The following NEDD4 variants were observed in gnomAD, a reference collection of about 807,000 sequenced individuals.
The protein encoded by NEDD4 is E3 ubiquitin-protein ligase NEDD4.
A neutral mutation model predicts 144.9 loss-of-function variants in NEDD4; 99 were observed. The ratio of observed to expected loss-of-function variants is 0.68; its 90% CI spans 0.58 to 0.81. The LOEUF (loss-of-function observed/expected upper bound fraction) is 0.81, where lower values mean the gene tolerates loss of function less well. NEDD4 is among the 30% of genes least tolerant of loss of function. The pLI, the probability that NEDD4 is intolerant of heterozygous loss-of-function variation, is 0.00. For synonymous variants in NEDD4, 318 were observed against 350.6 expected (o/e 0.91, Z 1.04); for missense variants, 985 against 1,065.9 (o/e 0.92, Z 1.06).
At chr15:55,937,952 A>G (rs1282737811) in intron 4 of NEDD4, among the ~76,000 whole-genome samples, 1 of 152,226 alleles carries the variant, frequency 6.6e-6, no homozygotes, top group East Asian at 1.9e-4. Context: ...TGACACAGGA[A>G]TTAAGACAGA....
rs184182823 is a variant in NEDD4 at position 55,927,322 on chromosome 15, T to C, written c.238-2623A>G. 1.4e-4 allele frequency among the ~76,000 whole-genome samples: 22 copies of C among 152,134 alleles called. 1 individual carries two copies. Among genetic ancestry groups the C allele is most frequent in the Admixed American group, 1.0e-3 (16 of 15,282 alleles). On this transcript the variant is annotated intron_variant, in intron 4 of 28. Coordinates refer to ENST00000435532, the MANE Select transcript of NEDD4 (RefSeq NM_006154.4). The stretch of plus-strand genomic sequence containing the variant: ...ACAGACAAAGACGACAAGATTCTTT[T>C]TTTTTTGAGATAGAGTCTCACTCTG...
intron 1 of NEDD4, among the ~76,000 whole-genome samples, chr15:55,966,775 G>A (rs1191056327): frequency 6.6e-6 from 1 of 152,300 alleles, no homozygotes; most frequent in African/African-American, 2.4e-5. Flanking sequence ...TTATTACACT[G>A]AATAAGAATT....
intron 5 of NEDD4, among the ~76,000 whole-genome samples, chr15:55,882,279 G>C (rs1201357704): frequency 6.6e-6 from 1 of 152,180 alleles, no homozygotes; most frequent in Non-Finnish European, 1.5e-5. Flanking sequence ...AAGAGGGTAG[G>C]AAAGACAGTC....
intron 5 of NEDD4, among the ~76,000 whole-genome samples, chr15:55,878,124 A>G (rs2035057156): frequency 6.6e-6 from 1 of 152,176 alleles, no homozygotes; most frequent in East Asian, 1.9e-4. Flanking sequence ...ATGAACTTTG[A>G]ATTCAAATAT....
chr15:55,871,564 A>G (rs1317165068), intron 7 of NEDD4, among the ~76,000 whole-genome samples: 2 of 152,236 alleles, frequency 1.3e-5, no homozygotes, highest in Non-Finnish European at 2.9e-5. Flanking sequence ...AAAGAGATTT[A>G]CATTCCAGAC....
intron 5 of NEDD4, among the ~76,000 whole-genome samples, chr15:55,893,803 T>A (rs1362890383): frequency 6.7e-6 from 1 of 148,744 alleles, no homozygotes; most frequent in African/African-American, 2.5e-5. Context: ...TCATACTACA[T>A]ACTAGATATA....
chr15:55,992,958 T>C (rs995059434), intron 1 of NEDD4, among the ~76,000 whole-genome samples: 16 of 152,202 alleles, frequency 1.1e-4, no homozygotes, highest in Non-Finnish European at 2.2e-4. Context: ...AAATTTATGT[T>C]CCTGCTCTCC....
chr15:55,870,535 T>C (rs1446910154), intron 7 of NEDD4, among the ~76,000 whole-genome samples: 13 of 148,880 alleles, frequency 8.7e-5, no homozygotes, highest in South Asian at 4.3e-4. Flanking sequence ...TCTTCTTTTT[T>C]TTTTTTTTTT....
intron 5 of NEDD4, among the ~76,000 whole-genome samples, chr15:55,884,150 G>T (rs945996205): frequency 6.6e-6 from 1 of 152,136 alleles, no homozygotes; most frequent in Non-Finnish European, 1.5e-5. Flanking sequence ...AAAGTGCTGG[G>T]ATTACAGGCA....
At chr15:55,965,578 T>C (rs530626467) in intron 2 of NEDD4, among the ~76,000 whole-genome samples, 1 of 152,320 alleles carries the variant, frequency 6.6e-6, no homozygotes, top group South Asian at 2.1e-4. Flanking sequence ...CATGTTTTCT[T>C]CAGATTCAGA....
chr15:55,888,927 C>T lies in NEDD4; in HGVS notation c.292-14919G>A, dbSNP rs573526016. ...AAAGAAACAAACTAGACTCCTATTT[C>T]TCACCTTATACAAAAATCAAATAAA... is the stretch of plus-strand genomic sequence containing the variant. On this transcript the variant is annotated intron_variant, in intron 5 of 28. Coordinates refer to ENST00000435532, the MANE Select transcript of NEDD4 (RefSeq NM_006154.4). 4.2e-4 allele frequency among the ~76,000 whole-genome samples: 64 copies of T among 152,284 alleles called. 1 individual carries two copies. The highest frequency in any genetic ancestry group is 1.9e-3 in the South Asian group (9 of 4,822).
At chr15:55,874,069 G>T in intron 5 of NEDD4, 61 bp from the exon 6 acceptor site, 1 of 926,140 alleles carries the variant, frequency 1.1e-6, no homozygotes, top group Non-Finnish European at 1.7e-6. Flanking sequence ...AGAAGAGTTT[G>T]ATGAGATAGT....
intron 2 of NEDD4, among the ~76,000 whole-genome samples, chr15:55,952,988 T>C (rs937093416): frequency 1.1e-4 from 16 of 145,032 alleles, no homozygotes; most frequent in Non-Finnish European, 7.4e-5. Context: ...TATTAATTCT[T>C]TTTTTTTTTC....
intron 5 of NEDD4, among the ~76,000 whole-genome samples, chr15:55,890,823 C>T (rs891086606): frequency 6.6e-6 from 1 of 152,168 alleles, no homozygotes; most frequent in Non-Finnish European, 1.5e-5. Flanking sequence ...GTCTTTATGA[C>T]AATACCCTTC....
At chr15:55,942,082 G>T (rs763210880) in intron 4 of NEDD4, among the ~76,000 whole-genome samples, 27 of 150,328 alleles carry the variant, frequency 1.8e-4, no homozygotes, top group Non-Finnish European at 3.8e-4. Context: ...TTGTCTAGTT[G>T]TTGTATCAGT....
chr15:55,893,275 T>G (rs146372591), intron 5 of NEDD4, among the ~76,000 whole-genome samples: 1 of 152,046 alleles, frequency 6.6e-6, no homozygotes, highest in Admixed American at 6.6e-5. Flanking sequence ...TATGCGCAAA[T>G]GTCATGATTC....
chr15:55,833,991 T>C, intron 26 of NEDD4, 47 bp downstream of exon 26: 1 of 1,344,920 alleles, frequency 7.4e-7, no homozygotes, highest in Non-Finnish European at 1.1e-6. Context: ...TTAAATATGA[T>C]TCAATCTATC....
chr15:55,838,015 G>C, intron 23 of NEDD4, 92 bp downstream of exon 23: 1 of 947,488 alleles, frequency 1.1e-6, no homozygotes, highest in Non-Finnish European at 1.6e-6. Context: ...TGAGATTCTG[G>C]ACAAGGGGAC....
chr15:55,916,234 T>C, intron 5 of NEDD4: 2 of 1,614,012 alleles, frequency 1.2e-6, no homozygotes, highest in South Asian at 2.2e-5. Flanking sequence ...CCCAAAAAAG[T>C]ATCATCACTT....
Sources: allele counts gnomAD v4.1 joint callset (sites outside exome capture counted in the v4.1 genomes callset), GRCh38; gene constraint gnomAD v4.1.1; transcripts MANE v1.5; gene names NCBI Gene and HGNC (gene_info 2026-07-23, HGNC 2026-07-21).